The following CASP4 variants were observed in gnomAD, a reference collection of about 807,000 sequenced individuals.
CASP4 encodes caspase-4.
CASP4 carries 29 observed loss-of-function variants against 41.3 expected under a neutral mutation model. The ratio of observed to expected loss-of-function variants is 0.70; its 90% CI spans 0.52 to 0.96. CASP4 has a LOEUF of 0.96. Among genes scored for constraint, CASP4 ranks in the 40% least tolerant of loss-of-function variants. The pLI is 0.00. For synonymous variants in CASP4, 185 were observed against 158.4 expected, an observed-to-expected ratio of 1.17 and a Z score of -1.26; for missense variants, 447 against 460.6, an observed-to-expected ratio of 0.97 and a Z score of 0.27.
At chr11:104,954,716 G>T (rs750340377) in intron 2 of CASP4, 31 bp downstream of exon 2, 2 of 1,602,020 alleles carry the variant, frequency 1.2e-6, no homozygotes, top group Admixed American at 1.7e-5. Context: ...AGGGAAAATT[G>T]AGACATTCAT....
chr11:104,963,636 G>C (rs918195644), intron 1 of CASP4, among the ~76,000 whole-genome samples: 5 of 152,218 alleles, frequency 3.3e-5, no homozygotes, highest in Middle Eastern at 3.2e-3. Flanking sequence ...GGTCAGAGAA[G>C]CATGCTCTGG....
chr11:104,965,038 A>G (rs1860942357), intron 1 of CASP4, among the ~76,000 whole-genome samples: 1 of 152,194 alleles, frequency 6.6e-6, no homozygotes, highest in Non-Finnish European at 1.5e-5. Flanking sequence ...GTCTGGAGAG[A>G]AAAATTATGC....
chr11:104,949,997 A>T (rs1565365040), intron 4 of CASP4, among the ~76,000 whole-genome samples: 1 of 152,034 alleles, frequency 6.6e-6, no homozygotes, highest in African/African-American at 2.4e-5. Flanking sequence ...CTGTCTTCTT[A>T]GTATATTGTA....
At chr11:104,943,210 A>C (rs541903303) in intron 8 of CASP4, 1 of 311,748 alleles carries the variant, frequency 3.2e-6, no homozygotes, top group South Asian at 2.8e-5. Context: ...TCAGATAATA[A>C]TTTTTAAAGG....
chr11:104,951,279 G>A, intron 3 of CASP4, 181 bp from the exon 4 acceptor site: 1 of 472,674 alleles, frequency 2.1e-6, no homozygotes, highest in South Asian at 4.4e-5. Flanking sequence ...ATCTGAAATT[G>A]TTATTAAGAA....
chr11:104,944,703 T>C (rs1357759859), intron 8 of CASP4, 45 bp downstream of exon 8: 1 of 1,217,576 alleles, frequency 8.2e-7, no homozygotes, highest in Non-Finnish European at 1.2e-6. Flanking sequence ...CCAATATCAC[T>C]CTCTTATTTA....
In CASP4 at chr11:104,951,323, C is replaced by T. The variant is rs534356817; in HGVS notation, c.373-225G>A. 4 of 382,912 alleles carry T rather than the reference C, an allele frequency of 1.0e-5. No homozygotes were observed. The East Asian group carries it at 1.7e-4, about 16-fold the overall frequency. 23.7% of individuals were successfully genotyped at this position (382,912 alleles called of 1,614,324 possible). On this transcript the variant is annotated intron_variant, in intron 3 of 8. Coordinates refer to ENST00000444739, the MANE Select transcript of CASP4 (RefSeq NM_001225.4). The stretch of plus-strand genomic sequence containing the variant: ...AAACTAGATAATTCCTATGCCTTTT[C>T]TTCTCCCTTTTCTTCTTCACCTACT...
chr11:104,949,710 A>G lies in CASP4; in HGVS notation c.614T>C (p.Leu205Ser), dbSNP rs1200526300. 1 of 1,613,952 alleles carries G rather than the reference A, an allele frequency of 6.2e-7. No homozygotes were observed. Among genetic ancestry groups the G allele is most frequent in the African/African-American group, 1.3e-5 (1 of 75,024 alleles). Residue 205 changes from leucine to serine, a missense_variant, in exon 5 of 9, where the codon TTG becomes TCG. Leu to Ser is a moderately radical substitution (Grantham distance 145). Transcript: ENST00000444739. ...PEHKSSDSTF[L>S]VLMSHGILEG... ...CAGGATGCCATGAGACATGAGTACC[A>G]AGAATGTGCTGTCAGAGGACTTGTG... is the stretch of plus-strand genomic sequence containing the variant.
intron 1 of CASP4, among the ~76,000 whole-genome samples, chr11:104,961,052 G>A (rs1032310593): frequency 3.3e-5 from 5 of 152,186 alleles, no homozygotes; most frequent in Non-Finnish European, 7.4e-5. Flanking sequence ...AACAATGAAC[G>A]AAATCAGACT....
intron 4 of CASP4, 96 bp downstream of exon 4, chr11:104,950,829 G>T: frequency 7.2e-6 from 4 of 552,376 alleles, no homozygotes; most frequent in Non-Finnish European, 1.1e-5. Context: ...CACACCCAAA[G>T]GTTGTTAAAC....
chr11:104,958,960 CAAAAAAAAAAAA>C (rs56678254), intron 1 of CASP4, among the ~76,000 whole-genome samples: 1 of 62,466 alleles, frequency 1.6e-5, no homozygotes, highest in African/African-American at 6.0e-5. Flanking sequence ...GACTCTGTCT[CAAAAAAAAAAAA>C]AAAAAAAAAA....
At chr11:104,966,251 A>G (rs1393371496) in intron 1 of CASP4, among the ~76,000 whole-genome samples, 1 of 152,180 alleles carries the variant, frequency 6.6e-6, no homozygotes, top group Non-Finnish European at 1.5e-5. Flanking sequence ...GTTTGATTTC[A>G]TTTAATAGAT....
intron 4 of CASP4, among the ~76,000 whole-genome samples, chr11:104,949,986 A>G (rs545939847): frequency 1.3e-5 from 2 of 152,082 alleles, no homozygotes; most frequent in South Asian, 4.2e-4. Context: ...CTGCTGACAT[A>G]CTGTCTTCTT....
intron 5 of CASP4, 160 bp from the exon 6 acceptor site, chr11:104,948,836 A>ACACACC (rs1303065726): frequency 4.6e-5 from 21 of 457,758 alleles, no homozygotes; most frequent in Non-Finnish European, 7.6e-5. Context: ...ACACACACAC[A>ACACACC]CCACTTTTCT....
chr11:104,950,219 CTT>C (rs55714151), intron 4 of CASP4, among the ~76,000 whole-genome samples: 5,808 of 152,112 alleles, frequency 0.038, 346 homozygotes, highest in African/African-American at 0.13. Flanking sequence ...CTGGTCTTCT[CTT>C]TGTGCTTCTC....
intron 8 of CASP4, chr11:104,943,203 G>C: frequency 3.3e-6 from 1 of 307,278 alleles, no homozygotes; most frequent in South Asian, 2.9e-5. Flanking sequence ...GTCTCGCTCA[G>C]ATAATAATTT....
At chr11:104,945,343 C>T (rs1391978290) in intron 7 of CASP4, among the ~76,000 whole-genome samples, 1 of 151,636 alleles carries the variant, frequency 6.6e-6, no homozygotes. Flanking sequence ...ACCTCCGCCT[C>T]CAGAGTTCAA....
In CASP4 at chr11:104,968,546, T is replaced by C. The variant is rs376903172; in HGVS notation, c.-21A>G. On this transcript the variant is annotated 5_prime_UTR_variant, in exon 1 of 9. Coordinates refer to ENST00000444739, the MANE Select transcript of CASP4 (RefSeq NM_001225.4). ...GCCATAGGGAACAGCCTCTGTCCTT[T>C]TTTACAGCGTTGGAAAGAGCCTCAG... 1 of 1,612,924 alleles carries C rather than the reference T, an allele frequency of 6.2e-7. No individual in the cohort carries two copies. The highest frequency in any genetic ancestry group is 8.5e-7 in the Non-Finnish European group (1 of 1,179,020).
In CASP4 at chr11:104,954,815, T is replaced by C; in HGVS notation, c.194A>G (p.Gln65Arg). Residue 65 changes from glutamine to arginine, a missense_variant, in exon 2 of 9, where the codon CAA becomes CGA. By Grantham distance (43) the Gln-to-Arg change is conservative. Transcript: ENST00000444739. Reference protein sequence around the residue: ...RVMADSMQEKQRMAGQMLLQT... With the variant: ...RVMADSMQEKRRMAGQMLLQT... ...AAGAAGCATTTGTCCTGCCATACGT[T>C]GCTTCTCTTGCATAGAGTCTGCCAT... 2.5e-6 allele frequency: 4 copies of C among 1,613,804 alleles called. No homozygotes were observed. Among genetic ancestry groups the C allele is most frequent in the Non-Finnish European group, 3.4e-6 (4 of 1,179,758 alleles).
Sources: allele counts gnomAD v4.1 joint callset (sites outside exome capture counted in the v4.1 genomes callset), GRCh38; gene constraint gnomAD v4.1.1; transcripts MANE v1.5; gene names NCBI Gene and HGNC (gene_info 2026-07-23, HGNC 2026-07-21).